The following NPAS3 variants were observed in gnomAD, a reference collection of about 807,000 sequenced individuals.
NPAS3 encodes the protein neuronal PAS domain-containing protein 3.
NPAS3 carries 14 observed loss-of-function variants against 73.1 expected under a neutral mutation model. The ratio of observed to expected loss-of-function variants is 0.19; its 90% CI spans 0.13 to 0.30. The LOEUF is 0.30. Among genes scored for constraint, NPAS3 ranks in the 10% least tolerant of loss-of-function variants. The probability of loss-of-function intolerance (pLI) is 1.00; values close to 1 mark genes in which losing one functional copy is unlikely to be tolerated. For synonymous variants in NPAS3, 620 were observed against 541.5 expected (o/e 1.14, Z -2.01); for missense variants, 1,096 against 1,250.0 (o/e 0.88, Z 1.86).
chr14:33,405,504 T>C (rs551594487), intron 4 of NPAS3, among the ~76,000 whole-genome samples: 63 of 152,082 alleles, frequency 4.1e-4, no homozygotes, highest in Non-Finnish European at 8.5e-4. Context: ...GACTGCTTCT[T>C]TGTACAGTGA....
chr14:33,544,035 G>A (rs2054663446), intron 4 of NPAS3, among the ~76,000 whole-genome samples: 1 of 119,434 alleles, frequency 8.4e-6, no homozygotes. Context: ...GGATTGAGTG[G>A]GTTAGTTCAT....
intron 3 of NPAS3, among the ~76,000 whole-genome samples, chr14:33,221,163 A>G (rs1306677194): frequency 6.6e-6 from 1 of 152,122 alleles, no homozygotes; most frequent in African/African-American, 2.4e-5. Context: ...ATTTGGAAGT[A>G]GTTCTTTCAT....
chr14:33,410,806 C>T (rs1227735738), intron 4 of NPAS3, among the ~76,000 whole-genome samples: 8 of 152,094 alleles, frequency 5.3e-5, no homozygotes, highest in Non-Finnish European at 7.4e-5. Context: ...CCACCACACC[C>T]GGCTAATTTT....
chr14:33,353,417 G>A (rs558018453), intron 3 of NPAS3, among the ~76,000 whole-genome samples: 1 of 152,290 alleles, frequency 6.6e-6, no homozygotes, highest in East Asian at 1.9e-4. Context: ...GACTCCAAAA[G>A]CAATTCCAAG....
At chr14:33,356,312 G>T (rs1019021683) in intron 3 of NPAS3, among the ~76,000 whole-genome samples, 1 of 152,212 alleles carries the variant, frequency 6.6e-6, no homozygotes, top group Non-Finnish European at 1.5e-5. Context: ...GGCAAGTGAT[G>T]CAGATTCTTT....
intron 3 of NPAS3, among the ~76,000 whole-genome samples, chr14:33,257,743 T>A (rs2048829658): frequency 6.6e-6 from 1 of 152,208 alleles, no homozygotes; most frequent in Non-Finnish European, 1.5e-5. Context: ...AGACAGTTTA[T>A]GACAATAAAA....
intron 5 of NPAS3, among the ~76,000 whole-genome samples, chr14:33,634,765 T>C (rs1163731816): frequency 2.0e-5 from 3 of 152,158 alleles, no homozygotes; most frequent in African/African-American, 7.2e-5. Flanking sequence ...AACATTGTGG[T>C]AGAGACTTGG....
At chr14:33,339,640 C>T (rs2044381810) in intron 3 of NPAS3, among the ~76,000 whole-genome samples, 1 of 152,070 alleles carries the variant, frequency 6.6e-6, no homozygotes, top group South Asian at 2.1e-4. Flanking sequence ...GTATGGATGG[C>T]TGCAAAATTT....
chr14:33,245,992 G>C (rs28507915), intron 3 of NPAS3, among the ~76,000 whole-genome samples: 12,800 of 151,004 alleles, frequency 0.085, 930 homozygotes, highest in Admixed American at 0.25. Flanking sequence ...CTTTTTAGTT[G>C]CTGCTTTTTC....
At chr14:33,102,503 C>T (rs989527829) in intron 2 of NPAS3, among the ~76,000 whole-genome samples, 4 of 152,080 alleles carry the variant, frequency 2.6e-5, no homozygotes, top group South Asian at 2.1e-4. Context: ...AGCTGCTTAC[C>T]GGACTAAGTA....
At chr14:33,783,486 A>G (rs1418730537) in intron 9 of NPAS3, among the ~76,000 whole-genome samples, 1 of 151,406 alleles carries the variant, frequency 6.6e-6, no homozygotes, top group Non-Finnish European at 1.5e-5. Flanking sequence ...GTCAGCCTTC[A>G]TCGTGTGCCT....
chr14:32,990,408 T>C (rs1169532457), intron 1 of NPAS3, among the ~76,000 whole-genome samples: 1 of 152,198 alleles, frequency 6.6e-6, no homozygotes, highest in South Asian at 2.1e-4. Flanking sequence ...ACAACTCTTT[T>C]TGTGGCTTTA....
At chr14:33,419,224 A>C (rs1401672409) in intron 4 of NPAS3, among the ~76,000 whole-genome samples, 15 of 151,976 alleles carry the variant, frequency 9.9e-5, no homozygotes, top group Non-Finnish European at 2.1e-4. Flanking sequence ...AATATGGTTA[A>C]GGAGAAAGAG....
chr14:33,263,927 T>C (rs1012069570), intron 3 of NPAS3, among the ~76,000 whole-genome samples: 4 of 152,186 alleles, frequency 2.6e-5, no homozygotes, highest in African/African-American at 9.7e-5. Context: ...ACTGGGTATA[T>C]ACCCAAAGGA....
At chr14:33,191,555 A>T (rs1011892417) in intron 2 of NPAS3, among the ~76,000 whole-genome samples, 5 of 152,216 alleles carry the variant, frequency 3.3e-5, no homozygotes, top group African/African-American at 1.2e-4. Flanking sequence ...GGATCTGGAG[A>T]TCAGCACTAG....
intron 5 of NPAS3, among the ~76,000 whole-genome samples, chr14:33,622,894 T>C (rs913050656): frequency 6.6e-6 from 1 of 152,112 alleles, no homozygotes; most frequent in Admixed American, 6.5e-5. Flanking sequence ...CCCAATACCA[T>C]GCTAGGTATG....
chr14:33,695,624 A>C (rs1441852504), intron 6 of NPAS3, among the ~76,000 whole-genome samples: 1 of 152,206 alleles, frequency 6.6e-6, no homozygotes, highest in African/African-American at 2.4e-5. Context: ...CAATATTTTT[A>C]ATTCTACAAA....
At chr14:33,566,560 C>T (rs1447339926) in intron 5 of NPAS3, among the ~76,000 whole-genome samples, 3 of 152,098 alleles carry the variant, frequency 2.0e-5, no homozygotes, top group Non-Finnish European at 4.4e-5. Flanking sequence ...TTTGTTGAAG[C>T]TCCTAATGCC....
chr14:33,570,374 A>G (rs2056153700), intron 5 of NPAS3, among the ~76,000 whole-genome samples: 1 of 152,174 alleles, frequency 6.6e-6, no homozygotes, highest in African/African-American at 2.4e-5. Flanking sequence ...GCTGTACAGC[A>G]GCAGTTTTGC....
Sources: gnomAD v4.1 joint callset for allele counts (sites outside exome capture counted in the v4.1 genomes callset) on GRCh38, gnomAD v4.1.1 for gene constraint, MANE v1.5 for transcripts, NCBI Gene and HGNC (gene_info 2026-07-23, HGNC 2026-07-21) for gene names.